Variants in ASB3 observed in about 807,000 individuals in gnomAD.
The protein encoded by ASB3 is ankyrin repeat and SOCS box containing 3.
Under a neutral mutation model 54.5 loss-of-function variants are expected in ASB3, and 41 were observed. The observed-to-expected ratio is 0.75, with a 90% CI of 0.59 to 0.98. The LOEUF (loss-of-function observed/expected upper bound fraction) is 0.98. ASB3 is among the 50% of genes least tolerant of loss of function. The probability of loss-of-function intolerance (pLI) is 0.00; values close to 1 mark genes in which losing one functional copy is unlikely to be tolerated. For missense variants in ASB3, 733 were observed against 620.0 expected (o/e 1.18, Z -1.94); for synonymous variants, 266 against 221.2 (o/e 1.20, Z -1.80).
At chr2:53,689,605 T>C (rs2103708961) in intron 9 of ASB3, among the ~76,000 whole-genome samples, 1 of 152,302 alleles carries the variant, frequency 6.6e-6, no homozygotes, top group South Asian at 2.1e-4. Context: ...GTAGTTACCT[T>C]GGTGTACTTA....
intron 5 of ASB3, among the ~76,000 whole-genome samples, chr2:53,717,601 A>T (rs1670470375): frequency 1.3e-5 from 2 of 152,180 alleles, no homozygotes; most frequent in Non-Finnish European, 2.9e-5. Context: ...GATGAAAAGG[A>T]ACTACCCCAA....
At chr2:53,746,571 C>T (rs1672238223) in intron 3 of ASB3, among the ~76,000 whole-genome samples, 1 of 151,476 alleles carries the variant, frequency 6.6e-6, no homozygotes, top group African/African-American at 2.4e-5. Context: ...TCCGCCCTCC[C>T]GGATTCAAGT....
At chr2:53,781,642 T>G in intron 1 of ASB3, among the ~76,000 whole-genome samples, 1 of 152,130 alleles carries the variant, frequency 6.6e-6, no homozygotes, top group Admixed American at 6.5e-5. Flanking sequence ...ATTACAGGCA[T>G]GAGCCACCAC....
At chr2:53,716,329 G>A (rs1355654460) in intron 6 of ASB3, among the ~76,000 whole-genome samples, 1 of 152,140 alleles carries the variant, frequency 6.6e-6, no homozygotes, top group South Asian at 2.1e-4. Context: ...AACACCCCGA[G>A]AAAGTCCCTG....
chr2:53,744,433 A>G (rs1445912876), intron 3 of ASB3, among the ~76,000 whole-genome samples: 1 of 152,008 alleles, frequency 6.6e-6, no homozygotes, highest in Non-Finnish European at 1.5e-5. Flanking sequence ...GGTGTAATAT[A>G]AAGTTGTATC....
chr2:53,682,298 A>G (rs1379310243), intron 9 of ASB3, among the ~76,000 whole-genome samples: 1 of 152,192 alleles, frequency 6.6e-6, no homozygotes, highest in Non-Finnish European at 1.5e-5. Context: ...TCTTTCAATC[A>G]ATGAACACAG....
At chr2:53,729,605 A>C (rs1002647818) in intron 3 of ASB3, 35 bp from the exon 4 acceptor site, 3 of 1,592,666 alleles carry the variant, frequency 1.9e-6, no homozygotes, top group Non-Finnish European at 1.7e-6. Context: ...TAATGTCAGC[A>C]AAAAGGCATG....
chr2:53,728,076 C>A (rs577722136), intron 5 of ASB3, among the ~76,000 whole-genome samples: 1 of 152,012 alleles, frequency 6.6e-6, no homozygotes, highest in African/African-American at 2.4e-5. Context: ...CTGTGATTCA[C>A]GCTTCATCAA....
At chr2:53,773,555 T>C (rs1674096972) in intron 1 of ASB3, among the ~76,000 whole-genome samples, 1 of 152,146 alleles carries the variant, frequency 6.6e-6, no homozygotes, top group Admixed American at 6.5e-5. Flanking sequence ...CTCAGCCTCC[T>C]GAGTAGCTGG....
rs1316959975 is a variant in ASB3, at chr2:53,714,674, A to G, written c.783-93T>C. The stretch of plus-strand genomic sequence containing the variant: ...TAGCACAATTTTTTTCAGAATTACC[A>G]ACTGATTCATTTAAAGAAATATTTC... On this transcript the variant is annotated intron_variant, in intron 6 of 9. Transcript: ENST00000263634. 4 of 1,280,524 alleles carry G rather than the reference A, an allele frequency of 3.1e-6. No individual in the cohort carries two copies. In the Admixed American group the frequency reaches 9.2e-5, roughly 29 times the overall value. 79.3% of individuals were successfully genotyped at this position (1,280,524 alleles called of 1,614,324 possible).
Position 53,767,963 on chromosome 2 carries a change from C to T in ASB3, c.-13-2378G>A, listed in dbSNP as rs767116178. 5.0e-6 allele frequency: 8 copies of T among 1,614,038 alleles called. No individual in the cohort carries two copies. The African/African-American group carries it at 1.1e-4, about 22-fold the overall frequency. On this transcript the variant is annotated intron_variant, in intron 1 of 9. Transcript: ENST00000263634. Reference sequence around the variant, plus strand: ...CAGGACAAGCTGGTCGGATACATCACCAACTACAGCAGGCGCTTCTGGCAG... The same window carrying T: ...CAGGACAAGCTGGTCGGATACATCATCAACTACAGCAGGCGCTTCTGGCAG...
At chr2:53,732,892 A>G (rs966216412) in intron 3 of ASB3, among the ~76,000 whole-genome samples, 1 of 152,242 alleles carries the variant, frequency 6.6e-6, no homozygotes. Context: ...CACTTTATCT[A>G]TTAAAATGGA....
Position 53,743,044 on chromosome 2 carries a change from G to C in ASB3, c.355+7739C>G, listed in dbSNP as rs1672019348. Among the ~76,000 whole-genome samples, 7 of 152,032 alleles carry C rather than the reference G, an allele frequency of 4.6e-5. No homozygotes were observed. In the South Asian group the frequency reaches 1.0e-3, roughly 23 times the overall value. ...AGCTTCAGACTTCAACTCTAGAACA[G>C]AATGGATCATCATTTTTAAAGTTCT... On this transcript the variant is annotated intron_variant, in intron 3 of 9. Transcript: ENST00000263634.
At chr2:53,740,317 G>T (rs537764046) in intron 3 of ASB3, among the ~76,000 whole-genome samples, 77 of 152,144 alleles carry the variant, frequency 5.1e-4, no homozygotes, top group Non-Finnish European at 6.9e-4. Context: ...AGGAACATTT[G>T]TAAGAACATT....
chr2:53,761,725 C>T (rs144529530), intron 2 of ASB3, among the ~76,000 whole-genome samples: 35 of 152,314 alleles, frequency 2.3e-4, no homozygotes, highest in African/African-American at 8.4e-4. Flanking sequence ...AGCCAATTCC[C>T]ATAGTAAATC....
intron 3 of ASB3, among the ~76,000 whole-genome samples, chr2:53,737,037 C>A (rs1317145671): frequency 6.6e-6 from 1 of 152,128 alleles, no homozygotes; most frequent in Non-Finnish European, 1.5e-5. Flanking sequence ...TTTTAAGATT[C>A]CCTCGCCAAA....
chr2:53,729,380 A>C (rs779504828), intron 4 of ASB3, 78 bp downstream of exon 4: 53 of 1,471,306 alleles, frequency 3.6e-5, no homozygotes, highest in Non-Finnish European at 4.6e-5. Context: ...CAGAAAGCAA[A>C]AACTGCATAG....
At chr2:53,734,138 C>T (rs747240020) in intron 3 of ASB3, among the ~76,000 whole-genome samples, 6 of 152,220 alleles carry the variant, frequency 3.9e-5, no homozygotes, top group Non-Finnish European at 8.8e-5. Flanking sequence ...ATGGCCATCA[C>T]AAACATGTCA....
At chr2:53,728,233 T>C (rs1432357265) in intron 5 of ASB3, among the ~76,000 whole-genome samples, 2 of 152,098 alleles carry the variant, frequency 1.3e-5, no homozygotes, top group Non-Finnish European at 2.9e-5. Context: ...TGTGGAAGGG[T>C]TGTCACAGAG....
Sources: gnomAD v4.1 joint callset for allele counts (sites outside exome capture counted in the v4.1 genomes callset) on GRCh38, gnomAD v4.1.1 for gene constraint, MANE v1.5 for transcripts, NCBI Gene and HGNC (gene_info 2026-07-23, HGNC 2026-07-21) for gene names.